ADAM11: variants seen among roughly 807,000 people sequenced by gnomAD.
ADAM11 encodes the protein ADAM metallopeptidase domain 11.
Under a neutral mutation model 119.1 loss-of-function variants are expected in ADAM11, and 49 were observed. That is an observed-to-expected ratio of 0.41 (90% CI 0.33 to 0.52). The LOEUF (loss-of-function observed/expected upper bound fraction) is 0.52, where lower values mean the gene tolerates loss of function less well. ADAM11 is among the 20% of genes least tolerant of loss of function. The pLI is 0.20. For missense variants in ADAM11, 777 were observed against 1,047.5 expected (o/e 0.74, Z 3.56); for synonymous variants, 364 against 408.0 (o/e 0.89, Z 1.30).
chr17:44,778,282 A>T (rs755731245), intron 25 of ADAM11, 40 bp downstream of exon 25: 2 of 1,570,770 alleles, frequency 1.3e-6, no homozygotes, highest in Non-Finnish European at 1.7e-6. Flanking sequence ...GGCATCCTTG[A>T]GGGGGGATCA....
rs773597676 is a variant in ADAM11 at position 44,774,533 on chromosome 17, G to A, written c.1119G>A (p.Thr373=). ...MGAMAVTLAQ[T]LGQNLGMMWN... is the part of the protein sequence containing the mutation. ...CGATGGCCGTGACCCTTGCCCAGAC[G>A]CTGGGACAGAACCTGGGCATGATGT... Residue 373 remains threonine (T), a synonymous_variant, in exon 13 of 27, where the codon ACG becomes ACA. Coordinates refer to ENST00000200557, the MANE Select transcript of ADAM11 (RefSeq NM_002390.6). The A allele has an allele frequency of 3.7e-6, 6 of 1,613,466 alleles. No homozygotes were observed. Among genetic ancestry groups the A allele is most frequent in the Non-Finnish European group, 4.2e-6 (5 of 1,179,884 alleles).
intron 2 of ADAM11, among the ~76,000 whole-genome samples, chr17:44,763,269 T>C (rs142344910): frequency 6.6e-6 from 1 of 152,202 alleles, no homozygotes; most frequent in Non-Finnish European, 1.5e-5. Context: ...GGGCTGTTAT[T>C]CCCATCTCGC....
chr17:44,761,397 G>T (rs376347884), intron 2 of ADAM11, among the ~76,000 whole-genome samples: 91 of 152,250 alleles, frequency 6.0e-4, no homozygotes, highest in African/African-American at 2.1e-3. Context: ...GGTGGCAAAG[G>T]GTAGGAGGTT....
chr17:44,764,725 T>C, intron 2 of ADAM11, among the ~76,000 whole-genome samples: 1 of 152,220 alleles, frequency 6.6e-6, no homozygotes, highest in African/African-American at 2.4e-5. Context: ...CCTTCCTCAT[T>C]CATAAAATGG....
intron 3 of ADAM11, 31 bp downstream of exon 3, chr17:44,769,825 G>A: frequency 1.9e-6 from 3 of 1,610,970 alleles, no homozygotes; most frequent in Non-Finnish European, 2.5e-6. Context: ...AAGAGGAAGG[G>A]CAGTGGTGGG....
In ADAM11 at chr17:44,776,991, A is replaced by G. The variant is rs778029672; in HGVS notation, c.1681+29A>G. Reference sequence around the variant, plus strand: ...AGTCTGGCTAGGGCTGGGAGTGGGGACTCCGGAGGACCCAGAGCTGAGAAG... The same window carrying G: ...AGTCTGGCTAGGGCTGGGAGTGGGGGCTCCGGAGGACCCAGAGCTGAGAAG... On this transcript the variant is annotated intron_variant, in intron 20 of 26. Transcript: ENST00000200557. This position sits in a 1 kb window ranked among gnomAD's most constrained non-coding sequence, Gnocchi z 5.2. 4.1e-5 allele frequency: 65 copies of G among 1,600,902 alleles called. No homozygotes were observed. The highest frequency in any genetic ancestry group is 5.4e-5 in the Non-Finnish European group (63 of 1,170,404).
intron 2 of ADAM11, among the ~76,000 whole-genome samples, chr17:44,763,431 C>T (rs924115271): frequency 6.6e-6 from 1 of 152,216 alleles, no homozygotes; most frequent in Non-Finnish European, 1.5e-5. Flanking sequence ...CACAGATGCA[C>T]CCTTGCCCTC....
intron 5 of ADAM11, 31 bp from the exon 6 acceptor site, chr17:44,771,724 GA>G (rs968066115): frequency 9.9e-6 from 16 of 1,612,794 alleles, no homozygotes; most frequent in Non-Finnish European, 1.4e-5. Flanking sequence ...CAGGCCTGGG[GA>G]CGGAGGGGAG....
At position 44,771,763 on chromosome 17, in the gene ADAM11, T is replaced by G; in HGVS notation, c.475T>G (p.Phe159Val). 6.2e-7 allele frequency: 1 copy of G among 1,613,704 alleles called. No individual in the cohort carries two copies. Among genetic ancestry groups the G allele is most frequent in the Non-Finnish European group, 8.5e-7 (1 of 1,179,774 alleles). The change falls in exon 6 of 27, where the codon TTC becomes GTC. Residue 159 changes from phenylalanine to valine, a missense_variant. Phe to Val is a conservative substitution (Grantham distance 50). Around this residue, in one of 4 missense-constraint regions of ADAM11, gnomAD observed 278 missense variants for 310.1 expected, o/e 0.90. Transcript: ENST00000200557. ...LSTCQGLHGVFSDGNLTYIVE... is the reference protein window; with the variant it reads ...LSTCQGLHGVVSDGNLTYIVE... ...GCGCCTCTCTCTCCACAGTGGGGTC[T>G]TCTCTGATGGGAACTTGACTTACAT...
chr17:44,778,988 AT>A (rs1309811868), intron 25 of ADAM11, among the ~76,000 whole-genome samples: 1 of 152,154 alleles, frequency 6.6e-6, no homozygotes, highest in Non-Finnish European at 1.5e-5. Flanking sequence ...GGAGGAACCC[AT>A]GGCCCAAGGT....
chr17:44,771,529 C>T, intron 4 of ADAM11, 55 bp from the exon 5 acceptor site: 2 of 1,563,210 alleles, frequency 1.3e-6, no homozygotes, highest in Non-Finnish European at 1.8e-6. Flanking sequence ...CCTTGAGGCC[C>T]ATTGGCTGCC....
chr17:44,779,601 C>G, intron 26 of ADAM11, 138 bp from the exon 27 acceptor site: 1 of 1,484,552 alleles, frequency 6.7e-7, no homozygotes, highest in Non-Finnish European at 8.9e-7. Context: ...TGTCTGACCT[C>G]CCGCAGATCC....
chr17:44,766,193 G>A (rs2049448197), intron 2 of ADAM11, among the ~76,000 whole-genome samples: 1 of 152,170 alleles, frequency 6.6e-6, no homozygotes, highest in Admixed American at 6.5e-5. Flanking sequence ...GATGAGGGTG[G>A]GGAGGAGAGG....
At chr17:44,764,653 G>A in intron 2 of ADAM11, among the ~76,000 whole-genome samples, 1 of 152,192 alleles carries the variant, frequency 6.6e-6, no homozygotes, top group East Asian at 1.9e-4. Flanking sequence ...CCTTAGTGCA[G>A]GTCCTGCTCC....
intron 2 of ADAM11, among the ~76,000 whole-genome samples, chr17:44,767,019 A>G (rs2145213430): frequency 6.6e-6 from 1 of 152,236 alleles, no homozygotes. Flanking sequence ...AGCCTGGGCA[A>G]CACAGTGAGA....
chr17:44,764,483 G>C (rs1228933221), intron 2 of ADAM11, among the ~76,000 whole-genome samples: 1 of 152,192 alleles, frequency 6.6e-6, no homozygotes, highest in Non-Finnish European at 1.5e-5. Context: ...TCTCTCCTGG[G>C]TTGGGGCAGA....
chr17:44,768,086 T>C (rs189184288), intron 2 of ADAM11, among the ~76,000 whole-genome samples: 52 of 152,122 alleles, frequency 3.4e-4, no homozygotes, highest in Non-Finnish European at 5.1e-4. Flanking sequence ...GAGAGCAGCA[T>C]TGGGGCAAGG....
At chr17:44,762,562 C>T (rs564021694) in intron 2 of ADAM11, among the ~76,000 whole-genome samples, 5 of 152,162 alleles carry the variant, frequency 3.3e-5, no homozygotes, top group South Asian at 2.1e-4. Flanking sequence ...CAAGCCTAGC[C>T]GGTGTGGAGC....
rs566515861 is a variant in ADAM11, at chr17:44,778,688, CAAAAAAA to C, written c.2276+465_2276+471del. ...CCTGGGTGACAGAGCAAGACTGCGT[CAAAAAAA>C]AAAAAAAAAAAAAAAAAAGAAAGAA... is the stretch of plus-strand genomic sequence containing the variant. On this transcript the variant is annotated intron_variant, in intron 25 of 26. Coordinates refer to ENST00000200557, the MANE Select transcript of ADAM11 (RefSeq NM_002390.6). Among the ~76,000 whole-genome samples, 138 of 52,424 alleles carry C rather than the reference CAAAAAAA, an allele frequency of 2.6e-3. 1 individual carries two copies. Among genetic ancestry groups the C allele is most frequent in the Middle Eastern group, 0.022 (1 of 46 alleles). 34.4% of individuals were successfully genotyped at this position (52,424 alleles called of 152,430 possible). A position where few individuals can be genotyped will look rare whatever the true frequency, so the allele number is the denominator to read the frequency against.
Sources: gnomAD v4.1 joint callset for allele counts (sites outside exome capture counted in the v4.1 genomes callset) on GRCh38, gnomAD v4.1.1 for gene constraint, gnomAD v4.1.1 regional missense constraint, Gnocchi (gnomAD v3.1) non-coding constraint, MANE v1.5 for transcripts, NCBI Gene and HGNC (gene_info 2026-07-23, HGNC 2026-07-21) for gene names.